FBXL17: variants seen among roughly 807,000 people sequenced by gnomAD.
FBXL17 encodes F-box/LRR-repeat protein 17.
Under a neutral mutation model 66.2 loss-of-function variants are expected in FBXL17, and 22 were observed. The ratio of observed to expected loss-of-function variants is 0.33; its 90% CI spans 0.24 to 0.47. The LOEUF (loss-of-function observed/expected upper bound fraction) is 0.47, where lower values mean the gene tolerates loss of function less well. FBXL17 is among the 20% of genes least tolerant of loss of function. FBXL17 has a pLI of 1.00. For missense variants in FBXL17, 878 were observed against 948.2 expected, an observed-to-expected ratio of 0.93 and a Z score of 0.97; for synonymous variants, 474 against 400.5, an observed-to-expected ratio of 1.18 and a Z score of -2.19.
rs1043013855 is a variant in FBXL17 at position 108,018,707 on chromosome 5, G to A, written c.1822+2218C>T. On this transcript the variant is annotated intron_variant, in intron 7 of 8. Coordinates refer to ENST00000542267, the MANE Select transcript of FBXL17 (RefSeq NM_001163315.3). ...GAGCTTGAGAGCTGGAGGGACTGAG[G>A]TGCAAGAAAAATCATGATCAATTTC... is the stretch of plus-strand genomic sequence containing the variant. 3.3e-5 allele frequency among the ~76,000 whole-genome samples: 5 copies of A among 152,040 alleles called. No homozygotes were observed. The East Asian group carries it at 9.7e-4, about 29-fold the overall frequency.
rs556477803 is a variant in FBXL17 at position 108,121,970 on chromosome 5, TTTA to T, written c.1745+64144_1745+64146del. On this transcript the variant is annotated intron_variant, in intron 6 of 8. Transcript: ENST00000542267. ...TCTACTCCAACCCCAAAATTTTGCTTTTATTTGAAAGACTAATACTCTAATTCT... is the reference window on the plus strand; with the variant it reads ...TCTACTCCAACCCCAAAATTTTGCTTTTTGAAAGACTAATACTCTAATTCT... Among the ~76,000 whole-genome samples, 73 of 152,260 alleles carry T rather than the reference TTTA, an allele frequency of 4.8e-4. 1 individual carries two copies. The South Asian group carries it at 0.013, about 27-fold the overall frequency.
intron 4 of FBXL17, among the ~76,000 whole-genome samples, chr5:108,248,929 T>C (rs1019498879): frequency 2.6e-5 from 4 of 152,072 alleles, no homozygotes; most frequent in Admixed American, 1.3e-4. Context: ...CCTAAAAGTA[T>C]AAGAGAAAGC....
At chr5:108,014,139 T>G (rs1754289468) in intron 7 of FBXL17, among the ~76,000 whole-genome samples, 1 of 152,078 alleles carries the variant, frequency 6.6e-6, no homozygotes, top group Non-Finnish European at 1.5e-5. Flanking sequence ...TTTATATGAT[T>G]TGGGACTAAT....
At chr5:108,132,329 A>C (rs908685285) in intron 6 of FBXL17, among the ~76,000 whole-genome samples, 5 of 152,202 alleles carry the variant, frequency 3.3e-5, no homozygotes, top group African/African-American at 1.2e-4. Flanking sequence ...CAGCTCTGTT[A>C]AATCAAAATT....
intron 7 of FBXL17, among the ~76,000 whole-genome samples, chr5:107,953,065 G>A (rs1394112451): frequency 6.7e-6 from 1 of 149,238 alleles, no homozygotes; most frequent in African/African-American, 2.5e-5. Context: ...GCATGTTAAA[G>A]GTACAAGGAA....
At chr5:107,963,804 C>T (rs1484535285) in intron 7 of FBXL17, among the ~76,000 whole-genome samples, 1 of 152,018 alleles carries the variant, frequency 6.6e-6, no homozygotes, top group African/African-American at 2.4e-5. Flanking sequence ...ACTCAAACTT[C>T]AGAGAAACAA....
intron 5 of FBXL17, among the ~76,000 whole-genome samples, chr5:108,223,574 T>C (rs1489395545): frequency 6.6e-6 from 1 of 152,170 alleles, no homozygotes; most frequent in African/African-American, 2.4e-5. Flanking sequence ...AGATGACACA[T>C]CGCAGTAGAG....
chr5:108,107,570 T>G (rs1220672259), intron 6 of FBXL17, among the ~76,000 whole-genome samples: 2 of 151,936 alleles, frequency 1.3e-5, no homozygotes, highest in Non-Finnish European at 2.9e-5. Flanking sequence ...CCCAGCACTT[T>G]GGGAGGCCAA....
At chr5:107,890,245 G>T (rs1749151874) in intron 7 of FBXL17, among the ~76,000 whole-genome samples, 1 of 152,060 alleles carries the variant, frequency 6.6e-6, no homozygotes, top group Non-Finnish European at 1.5e-5. Context: ...AGTTTGCAGA[G>T]ATGGGAAAGT....
chr5:108,348,541 A>G lies in FBXL17; in HGVS notation c.1375-11T>C. The G allele has an allele frequency of 6.2e-7, 1 of 1,607,902 alleles. No individual in the cohort carries two copies. The highest frequency in any genetic ancestry group is 1.1e-5 in the South Asian group (1 of 90,396). On this transcript the variant is annotated splice_polypyrimidine_tract_variant and intron_variant, in intron 3 of 8. Transcript: ENST00000542267. Reference sequence around the variant, plus strand: ...GCATTTTGAGCCCAGCTGTAAACAAACAGATTTAGCTGAATGCTCAAAAAA... The same window carrying G: ...GCATTTTGAGCCCAGCTGTAAACAAGCAGATTTAGCTGAATGCTCAAAAAA...
At chr5:108,057,664 T>C (rs1260487320) in intron 6 of FBXL17, among the ~76,000 whole-genome samples, 1 of 152,178 alleles carries the variant, frequency 6.6e-6, no homozygotes, top group Admixed American at 6.5e-5. Context: ...TAAAAGTATA[T>C]AAACCTTCCC....
chr5:108,165,606 T>TA (rs1183119405), intron 6 of FBXL17, among the ~76,000 whole-genome samples: 1 of 152,204 alleles, frequency 6.6e-6, no homozygotes, highest in Non-Finnish European at 1.5e-5. Context: ...AAGCAGCATA[T>TA]AGGCTTCACC....
intron 5 of FBXL17, among the ~76,000 whole-genome samples, chr5:108,217,806 C>T (rs898211342): frequency 1.3e-5 from 2 of 152,050 alleles, no homozygotes; most frequent in South Asian, 4.1e-4. Flanking sequence ...CTGGTAACCA[C>T]CATTCTAATC....
intron 6 of FBXL17, among the ~76,000 whole-genome samples, chr5:108,082,404 T>C (rs1454147389): frequency 7.2e-5 from 11 of 152,162 alleles, no homozygotes; most frequent in Admixed American, 6.5e-5. Flanking sequence ...AATGAGTCAA[T>C]ATTATCAATA....
chr5:108,069,687 G>T (rs984131717), intron 6 of FBXL17, among the ~76,000 whole-genome samples: 1 of 152,196 alleles, frequency 6.6e-6, no homozygotes, highest in African/African-American at 2.4e-5. Flanking sequence ...CCTGGTTACA[G>T]TTGGTGAAGA....
chr5:108,152,326 A>C (rs1751804612), intron 6 of FBXL17, among the ~76,000 whole-genome samples: 1 of 152,172 alleles, frequency 6.6e-6, no homozygotes. Context: ...TTTCTACTTA[A>C]CTGGTGGAGT....
At chr5:108,332,484 A>T (rs1760168961) in intron 4 of FBXL17, among the ~76,000 whole-genome samples, 1 of 152,220 alleles carries the variant, frequency 6.6e-6, no homozygotes. Flanking sequence ...AAGAAGGATT[A>T]TAGGAATTAC....
chr5:108,318,759 T>C (rs183373387), intron 4 of FBXL17, among the ~76,000 whole-genome samples: 1 of 152,002 alleles, frequency 6.6e-6, no homozygotes, highest in East Asian at 1.9e-4. Context: ...TCTCAGATAG[T>C]GAAATGTTTA....
At chr5:108,226,319 TTGAAA>T (rs1319943827) in intron 4 of FBXL17, among the ~76,000 whole-genome samples, 1 of 152,232 alleles carries the variant, frequency 6.6e-6, no homozygotes, top group Non-Finnish European at 1.5e-5. Context: ...GTAGAAAATA[TTGAAA>T]TAAATAAATG....
Sources: allele counts gnomAD v4.1 joint callset (sites outside exome capture counted in the v4.1 genomes callset), GRCh38; gene constraint gnomAD v4.1.1; transcripts MANE v1.5; gene names NCBI Gene and HGNC (gene_info 2026-07-23, HGNC 2026-07-21).